Variants in MSH4 observed in about 807,000 individuals in gnomAD.
MSH4 encodes mutS protein homolog 4.
Under a neutral mutation model 113.7 loss-of-function variants are expected in MSH4, and 106 were observed. That is an observed-to-expected ratio of 0.93 (90% CI 0.80 to 1.10). MSH4 has a LOEUF of 1.10. MSH4 is among the 50% of genes least tolerant of loss of function. The pLI is 0.00. For synonymous variants in MSH4, 368 were observed against 380.2 expected (o/e 0.97, Z 0.37); for missense variants, 1,061 against 1,093.7 (o/e 0.97, Z 0.42).
At chr1:75,906,514 A>ATACATATT (rs370543895) in intron 19 of MSH4, among the ~76,000 whole-genome samples, 1 of 1,254 alleles carries the variant, frequency 8.0e-4, no homozygotes. Context: ...TATAATATAT[A>ATACATATT]ATATGTATAT....
rs5745509 is a variant in MSH4 at position 75,891,616 on chromosome 1, G to A, written c.2355+792G>A. Among the ~76,000 whole-genome samples the A allele has an allele frequency of 3.3e-3, 497 of 152,088 alleles. 3 individuals are homozygous for A. The highest frequency in any genetic ancestry group is 0.012 in the African/African-American group (481 of 41,466). ...CTGCAGGCATGCACCATCATGCTTA[G>A]CTAATTTTTGTATTTTTAGCTGTGA... On this transcript the variant is annotated intron_variant, in intron 17 of 19. Transcript: ENST00000263187.
intron 17 of MSH4, among the ~76,000 whole-genome samples, chr1:75,893,957 G>A (rs1217107788): frequency 6.6e-6 from 1 of 152,168 alleles, no homozygotes; most frequent in African/African-American, 2.4e-5. Context: ...TTAATGCAGG[G>A]ATTCAAAGCT....
chr1:75,830,579 A>C (rs1219479187), intron 7 of MSH4, among the ~76,000 whole-genome samples: 2 of 152,246 alleles, frequency 1.3e-5, no homozygotes, highest in Non-Finnish European at 2.9e-5. Flanking sequence ...CCATCAGACT[A>C]ACAGCGGATC....
At chr1:75,861,271 G>A (rs920142252) in intron 8 of MSH4, among the ~76,000 whole-genome samples, 2 of 152,086 alleles carry the variant, frequency 1.3e-5, no homozygotes, top group Admixed American at 6.6e-5. Flanking sequence ...CTGTCAAGTC[G>A]TCAAACTCAT....
At chr1:75,816,263 C>A in intron 5 of MSH4, 110 bp from the exon 6 acceptor site, 1 of 631,014 alleles carries the variant, frequency 1.6e-6, no homozygotes, top group East Asian at 3.4e-5. Flanking sequence ...TGTACCTTTT[C>A]CTTTTGAGTT....
intron 12 of MSH4, 115 bp from the exon 13 acceptor site, chr1:75,879,935 C>T: frequency 8.1e-6 from 5 of 616,430 alleles, no homozygotes; most frequent in Admixed American, 3.6e-5. Flanking sequence ...TTTGTGATAC[C>T]ATATCTCAAA....
intron 19 of MSH4, among the ~76,000 whole-genome samples, chr1:75,911,082 A>G (rs1168815504): frequency 1.3e-5 from 2 of 151,896 alleles, no homozygotes; most frequent in Non-Finnish European, 2.9e-5. Context: ...TACCTGCATT[A>G]GAATTGCCTG....
chr1:75,876,005 A>G (rs750031130), intron 9 of MSH4, among the ~76,000 whole-genome samples: 4 of 152,174 alleles, frequency 2.6e-5, no homozygotes, highest in Non-Finnish European at 5.9e-5. Flanking sequence ...AAAGTGTTGT[A>G]TAAAATTACC....
chr1:75,862,172 C>T (rs1251045240), intron 8 of MSH4, among the ~76,000 whole-genome samples: 5 of 152,152 alleles, frequency 3.3e-5, no homozygotes, highest in African/African-American at 7.2e-5. Flanking sequence ...AAGAGTGCTC[C>T]TCCAGGTACA....
At chr1:75,884,938 A>G (rs1652029347) in intron 15 of MSH4, among the ~76,000 whole-genome samples, 1 of 150,570 alleles carries the variant, frequency 6.6e-6, no homozygotes, top group Non-Finnish European at 1.5e-5. Flanking sequence ...TGAATTAGCT[A>G]TGAGGAGCTA....
chr1:75,838,742 G>A (rs911064611), intron 7 of MSH4, among the ~76,000 whole-genome samples: 4 of 152,106 alleles, frequency 2.6e-5, no homozygotes, highest in East Asian at 3.9e-4. Flanking sequence ...GCTTTGGAAC[G>A]CTGTAATTTT....
chr1:75,868,895 A>G (rs773476461), intron 9 of MSH4, among the ~76,000 whole-genome samples: 12 of 152,202 alleles, frequency 7.9e-5, no homozygotes, highest in Admixed American at 5.9e-4. Flanking sequence ...AGTCTTGGGT[A>G]TGTCTTTATT....
Position 75,889,369 on chromosome 1 carries a change from G to A in MSH4, c.2226G>A (p.Glu742=). 2.2e-6 allele frequency: 3 copies of A among 1,361,114 alleles called. No individual in the cohort carries two copies. Among genetic ancestry groups the A allele is most frequent in the East Asian group, 2.4e-5 (1 of 41,010 alleles). 84.3% of individuals were successfully genotyped at this position (1,361,114 alleles called of 1,614,324 possible). ...CAACATTTATGAAAGAAATGAAAGA[G>A]GTACCCAAACAAAACTTTTCTTATG... is the stretch of plus-strand genomic sequence containing the variant. ...NSSTFMKEMK[E]IAYILHNAND... Residue 742 remains glutamate, a splice_region_variant and synonymous_variant, in exon 16 of 20, where the codon GAG becomes GAA. Coordinates refer to ENST00000263187, the MANE Select transcript of MSH4 (RefSeq NM_002440.4).
At chr1:75,858,123 G>A (rs191610075) in intron 8 of MSH4, among the ~76,000 whole-genome samples, 1 of 152,340 alleles carries the variant, frequency 6.6e-6, no homozygotes, top group Admixed American at 6.5e-5. Context: ...TTTGTGTCCA[G>A]AGAATTTGCT....
chr1:75,849,631 A>T (rs1240504875), intron 8 of MSH4, among the ~76,000 whole-genome samples: 3 of 152,200 alleles, frequency 2.0e-5, no homozygotes, highest in African/African-American at 7.2e-5. Flanking sequence ...AGCTGCTTAT[A>T]CTTCAATGTA....
chr1:75,814,436 G>C (rs930603829), intron 4 of MSH4, among the ~76,000 whole-genome samples: 1 of 104,290 alleles, frequency 9.6e-6, no homozygotes, highest in Non-Finnish European at 2.1e-5. Flanking sequence ...CTGTATTCCA[G>C]CCTGGGCAAC....
intron 7 of MSH4, among the ~76,000 whole-genome samples, chr1:75,837,428 C>T (rs1170560453): frequency 7.2e-6 from 1 of 138,984 alleles, no homozygotes; most frequent in Non-Finnish European, 1.5e-5. Context: ...TTGCTGTCAC[C>T]TACCCTGGAG....
chr1:75,871,787 G>A (rs115956922), intron 9 of MSH4, among the ~76,000 whole-genome samples: 1,799 of 152,188 alleles, frequency 0.012, 34 homozygotes, highest in African/African-American at 0.042. Flanking sequence ...GTCCAACAAT[G>A]GTCATTACAG....
In MSH4 at chr1:75,890,784, G is replaced by C; in HGVS notation, c.2315G>C (p.Gly772Ala). ...GGTACTAATACGGAAGAAGGTATTG[G>C]CATTTGTTATGCTGTTTGTGAATAT... ...GRGTNTEEGI[G>A]ICYAVCEYLL... Residue 772 changes from glycine (G) to alanine (A), a missense_variant, in exon 17 of 20, where the codon GGC becomes GCC. By Grantham distance (60) the Gly-to-Ala change is moderately conservative. Coordinates refer to ENST00000263187, the MANE Select transcript of MSH4 (RefSeq NM_002440.4). 1 of 1,608,878 alleles carries C rather than the reference G, an allele frequency of 6.2e-7. No individual in the cohort carries two copies.
Sources: gnomAD v4.1 joint callset for allele counts (sites outside exome capture counted in the v4.1 genomes callset) on GRCh38, gnomAD v4.1.1 for gene constraint, MANE v1.5 for transcripts, NCBI Gene and HGNC (gene_info 2026-07-23, HGNC 2026-07-21) for gene names.